NCOA5: variants seen among roughly 807,000 people sequenced by gnomAD.
NCOA5 encodes nuclear receptor coactivator 5.
Under a neutral mutation model 59.0 loss-of-function variants are expected in NCOA5, and 12 were observed. The observed-to-expected ratio is 0.20, with a 90% CI of 0.13 to 0.33. NCOA5 has a LOEUF of 0.33. NCOA5 is among the 10% of genes least tolerant of loss of function. NCOA5 has a pLI of 1.00. For missense variants in NCOA5, 655 were observed against 766.6 expected (o/e 0.85, Z 1.72); for synonymous variants, 270 against 275.5 (o/e 0.98, Z 0.20).
intron 3 of NCOA5, among the ~76,000 whole-genome samples, chr20:46,070,001 C>T (rs926029873): frequency 6.6e-6 from 1 of 152,198 alleles, no homozygotes; most frequent in Non-Finnish European, 1.5e-5. Flanking sequence ...TTCTCCATAC[C>T]TTTCCAACAC....
intron 2 of NCOA5, among the ~76,000 whole-genome samples, chr20:46,077,168 C>T (rs2084946821): frequency 6.6e-6 from 1 of 152,266 alleles, no homozygotes; most frequent in Non-Finnish European, 1.5e-5. Context: ...CCTCGTCCTC[C>T]CAAAGTGCTG....
intron 4 of NCOA5, among the ~76,000 whole-genome samples, chr20:46,067,825 C>A (rs1032428378): frequency 1.3e-5 from 2 of 151,930 alleles, no homozygotes; most frequent in Non-Finnish European, 2.9e-5. Context: ...ATAAAAAAAA[C>A]CAAAAACCTA....
rs759564085 is a variant in NCOA5, at chr20:46,067,046, G to A, written c.629+9C>T. ...TCCTTACTGGGGAGAAATATCTAAG[G>A]GTTCTTACTTTGTCTGTTTGTTGAC... is the stretch of plus-strand genomic sequence containing the variant. On this transcript the variant is annotated intron_variant, in intron 5 of 7. Transcript: ENST00000290231. 9.9e-6 allele frequency: 16 copies of A among 1,612,550 alleles called. No individual in the cohort carries two copies. Among genetic ancestry groups the A allele is most frequent in the Non-Finnish European group, 1.2e-5 (14 of 1,179,596 alleles).
rs2085084510 is a variant in NCOA5, at chr20:46,089,876, C to T, written c.-89G>A. 6.6e-6 allele frequency: 1 copy of T among 152,194 alleles called. No homozygotes were observed. Among genetic ancestry groups the T allele is most frequent in the Non-Finnish European group, 1.5e-5 (1 of 68,044 alleles). 9.4% of individuals were successfully genotyped at this position (152,194 alleles called of 1,614,324 possible). A position where few individuals can be genotyped will look rare whatever the true frequency, so the allele number is the denominator to read the frequency against. ...CGCCTCAGGCCCGCCGCTGCCGCCTCCGCGTCGGCCCACCTGCCCGCCGTA... is the reference window on the plus strand; with the variant it reads ...CGCCTCAGGCCCGCCGCTGCCGCCTTCGCGTCGGCCCACCTGCCCGCCGTA... On this transcript the variant is annotated 5_prime_UTR_variant, in exon 1 of 8. Transcript: ENST00000290231.
At chr20:46,076,504 T>C (rs1048037245) in intron 2 of NCOA5, among the ~76,000 whole-genome samples, 17 of 152,158 alleles carry the variant, frequency 1.1e-4, no homozygotes, top group African/African-American at 4.1e-4. Flanking sequence ...TTGAATACAA[T>C]GTTAAACCTG....
intron 2 of NCOA5, among the ~76,000 whole-genome samples, chr20:46,073,367 A>T (rs572271180): frequency 6.6e-6 from 1 of 152,368 alleles, no homozygotes; most frequent in South Asian, 2.1e-4. Flanking sequence ...ATCATAGACC[A>T]GGGACTTTAA....
chr20:46,081,578 T>C (rs1048964090), intron 1 of NCOA5, among the ~76,000 whole-genome samples: 2 of 152,178 alleles, frequency 1.3e-5, no homozygotes, highest in Non-Finnish European at 2.9e-5. Context: ...TCTATTTTCA[T>C]TGGGTAGTCC....
intron 5 of NCOA5, 70 bp downstream of exon 5, chr20:46,066,985 G>A: frequency 1.3e-6 from 2 of 1,542,486 alleles, no homozygotes; most frequent in Non-Finnish European, 8.8e-7. Flanking sequence ...AGTGGATAGA[G>A]GTGCTAAACA....
chr20:46,064,271 C>T (rs532335026), intron 6 of NCOA5, among the ~76,000 whole-genome samples: 2 of 152,356 alleles, frequency 1.3e-5, no homozygotes, highest in African/African-American at 4.8e-5. Flanking sequence ...AAATGACCCA[C>T]TGGAGATCCT....
intron 1 of NCOA5, among the ~76,000 whole-genome samples, chr20:46,082,790 GA>G (rs2085005201): frequency 1.3e-5 from 2 of 152,182 alleles, no homozygotes; most frequent in South Asian, 4.1e-4. Context: ...TACATACAAG[GA>G]AAAGAACTGG....
intron 2 of NCOA5, among the ~76,000 whole-genome samples, chr20:46,071,795 C>A (rs935724556): frequency 6.6e-6 from 1 of 152,200 alleles, no homozygotes; most frequent in Admixed American, 6.5e-5. Flanking sequence ...TGTCCCATGT[C>A]TTCCAAGAAA....
intron 2 of NCOA5, among the ~76,000 whole-genome samples, chr20:46,075,764 A>G (rs1193825347): frequency 1.3e-5 from 2 of 152,222 alleles, no homozygotes; most frequent in Non-Finnish European, 2.9e-5. Context: ...AAGAAGGACT[A>G]ATGCTTAGTA....
intron 2 of NCOA5, among the ~76,000 whole-genome samples, chr20:46,074,452 A>G (rs1308320630): frequency 2.6e-5 from 4 of 152,244 alleles, no homozygotes. Context: ...ACTAGAGGAT[A>G]AAAAGAAACT....
chr20:46,088,336 T>C (rs1341794158), intron 1 of NCOA5, among the ~76,000 whole-genome samples: 1 of 152,160 alleles, frequency 6.6e-6, no homozygotes. Context: ...AAAGGCAATC[T>C]GAAGAGTGAC....
chr20:46,063,214 T>C (rs2084786375), intron 7 of NCOA5, 146 bp downstream of exon 7: 1 of 718,878 alleles, frequency 1.4e-6, no homozygotes, highest in Non-Finnish European at 2.3e-6. Context: ...TATATCAGCA[T>C]GGGTGGCCCA....
chr20:46,084,308 G>A (rs1193477851), intron 1 of NCOA5, among the ~76,000 whole-genome samples: 1 of 152,302 alleles, frequency 6.6e-6, no homozygotes, highest in Admixed American at 6.5e-5. Context: ...TAAACATTAT[G>A]CTATGCTGCC....
At chr20:46,087,708 C>G (rs1259607405) in intron 1 of NCOA5, among the ~76,000 whole-genome samples, 1 of 152,228 alleles carries the variant, frequency 6.6e-6, no homozygotes, top group Non-Finnish European at 1.5e-5. Flanking sequence ...CACCACTGCA[C>G]TCCAGCCTGG....
intron 7 of NCOA5, 167 bp downstream of exon 7, chr20:46,063,193 A>G: frequency 1.5e-6 from 1 of 668,996 alleles, no homozygotes; most frequent in Non-Finnish European, 2.5e-6. Context: ...ATATAAAGTT[A>G]TTATTAACAT....
chr20:46,076,630 T>C (rs1021738339), intron 2 of NCOA5, among the ~76,000 whole-genome samples: 2 of 152,028 alleles, frequency 1.3e-5, no homozygotes, highest in Non-Finnish European at 2.9e-5. Flanking sequence ...GGGTTACTAA[T>C]GGTGACCATC....
Sources: allele counts gnomAD v4.1 joint callset (sites outside exome capture counted in the v4.1 genomes callset), GRCh38; gene constraint gnomAD v4.1.1; transcripts MANE v1.5; gene names NCBI Gene and HGNC (gene_info 2026-07-23, HGNC 2026-07-21).